The following BEAN1 variants were observed in gnomAD, a reference collection of about 807,000 sequenced individuals.
BEAN1 encodes brain expressed associated with NEDD4 1, also known as protein BEAN1.
In BEAN1, 17 loss-of-function variants were observed where a neutral mutation model predicts 17.7. That is an observed-to-expected ratio of 0.96 (90% confidence interval 0.66 to 1.44). The LOEUF is 1.44. Ranked by LOEUF, BEAN1 falls within the 40% of genes most tolerant of loss-of-function variation. The pLI, the probability that BEAN1 is intolerant of heterozygous loss-of-function variation, is 0.00. For missense variants in BEAN1, 359 were observed against 374.1 expected, an observed-to-expected ratio of 0.96 and a Z score of 0.33; for synonymous variants, 142 against 151.8, an observed-to-expected ratio of 0.94 and a Z score of 0.47.
intron 2 of BEAN1, among the ~76,000 whole-genome samples, chr16:66,468,257 A>C (rs76068243): frequency 0.029 from 4,403 of 152,318 alleles, 221 homozygotes; most frequent in African/African-American, 0.098. Flanking sequence ...CCCATTGTTG[A>C]GTTTGAGGAC....
intron 2 of BEAN1, among the ~76,000 whole-genome samples, chr16:66,458,753 G>A (rs60557819): frequency 0.15 from 22,261 of 152,178 alleles, 2,022 homozygotes; most frequent in South Asian, 0.24. Context: ...GAGAGTGACA[G>A]TGGTATCCAC....
At chr16:66,489,887 G>A (rs960603208) in intron 4 of BEAN1, among the ~76,000 whole-genome samples, 5 of 152,008 alleles carry the variant, frequency 3.3e-5, no homozygotes, top group Non-Finnish European at 7.4e-5. Context: ...CTCAATCAAA[G>A]GGATATGAAC....
intron 3 of BEAN1, among the ~76,000 whole-genome samples, chr16:66,475,112 G>A (rs1477552298): frequency 2.6e-5 from 4 of 152,180 alleles, no homozygotes; most frequent in Non-Finnish European, 1.5e-5. Context: ...TATGTGAAGT[G>A]GGAAGCAGGG....
At chr16:66,479,194 T>A (rs936007591) in intron 4 of BEAN1, 2 of 152,200 alleles carry the variant, frequency 1.3e-5, no homozygotes, top group African/African-American at 2.4e-5. Flanking sequence ...GAGCCCTTGG[T>A]TCCTGAGGCC....
At chr16:66,445,184 C>T (rs1962397235) in intron 2 of BEAN1, among the ~76,000 whole-genome samples, 1 of 151,904 alleles carries the variant, frequency 6.6e-6, no homozygotes, top group Admixed American at 6.6e-5. Context: ...ACAAAAAAAG[C>T]ACAGTGAGGT....
intron 2 of BEAN1, among the ~76,000 whole-genome samples, chr16:66,455,398 C>T (rs796587437): frequency 3.3e-5 from 5 of 152,306 alleles, no homozygotes; most frequent in African/African-American, 1.2e-4. Context: ...TGTAAATTGG[C>T]TGTGTTGAAT....
intron 1 of BEAN1, among the ~76,000 whole-genome samples, chr16:66,435,012 G>A (rs1961959351): frequency 6.6e-6 from 1 of 152,140 alleles, no homozygotes; most frequent in Non-Finnish European, 1.5e-5. Flanking sequence ...CAGCCAGAGT[G>A]ATCATTCTGT....
At chr16:66,429,707 C>G (rs1185530901) in intron 1 of BEAN1, among the ~76,000 whole-genome samples, 1 of 152,144 alleles carries the variant, frequency 6.6e-6, no homozygotes, top group Non-Finnish European at 1.5e-5. Flanking sequence ...CTGTAGCTTC[C>G]CCCTCCCCTT....
intron 3 of BEAN1, among the ~76,000 whole-genome samples, chr16:66,476,831 T>G (rs1597043024): frequency 1.3e-5 from 2 of 152,148 alleles, no homozygotes; most frequent in African/African-American, 4.8e-5. Context: ...TTAAATGTGT[T>G]TTTTAGCTGC....
rs1184682337 is a variant in BEAN1, at chr16:66,469,729, C to A, written c.153C>A (p.Cys51Ter). Residue 51 changes from cysteine (C) to a stop codon, truncating the protein, a stop_gained, in exon 3 of 5, where the codon TGC becomes TGA. Coordinates refer to ENST00000536005, the MANE Select transcript of BEAN1 (RefSeq NM_001178020.3). LOFTEE classifies it high-confidence loss of function. Reference sequence around the variant, plus strand: ...TAGGTGTGGTCATCATCCTCTCCTGCATCACCATCATTGTGGGCAGCATCC... The same window carrying A: ...TAGGTGTGGTCATCATCCTCTCCTGAATCACCATCATTGTGGGCAGCATCC... Reference protein sequence around the residue: ...AVIGVVIILSCITIIVGSIRR... With the variant: ...AVIGVVIILS The A allele has an allele frequency of 6.5e-7, 1 of 1,536,216 alleles. No individual in the cohort carries two copies. Among genetic ancestry groups the A allele is most frequent in the East Asian group, 2.4e-5 (1 of 40,910 alleles).
chr16:66,493,428 C>G (rs1051956841), exon 5 of BEAN1: 1 of 615,436 alleles, frequency 1.6e-6, no homozygotes, highest in Admixed American at 2.8e-5. Context: ...CCCAGTGGCT[C>G]TCCAGTCCTC....
rs745370286 is a variant in BEAN1 at position 66,469,783 on chromosome 16, GCACCGCCACCGCCAC to G, written c.218_232del (p.Arg73_His77del). On this transcript the variant is annotated inframe_deletion, in exon 3 of 5. Coordinates refer to ENST00000536005, the MANE Select transcript of BEAN1 (RefSeq NM_001178020.3). ...GGGACAGGCAGGCCCGGCTTCAGCG[GCACCGCCACCGCCAC>G]CACCGCCACCACCACCACCATCATC... The G allele has an allele frequency of 3.0e-5, 46 of 1,535,894 alleles. No individual in the cohort carries two copies. Among genetic ancestry groups the G allele is most frequent in the South Asian group, 7.1e-5 (6 of 84,036 alleles).
At chr16:66,486,965 C>T (rs1450500620), downstream of BEAN1, among the ~76,000 whole-genome samples, 1 of 152,228 alleles carries the variant, frequency 6.6e-6, no homozygotes, top group Non-Finnish European at 1.5e-5. Context: ...GCTCCAGGCT[C>T]ACTGGACACC....
In BEAN1 at chr16:66,477,679, C is replaced by T. The variant is rs764388020; in HGVS notation, c.409C>T (p.Leu137Phe). ...TGACGGGGACGTGGATGCCACGGTGCTCAGGGAGCTGTACCCAGATTCTCC... is the reference window on the plus strand; with the variant it reads ...TGACGGGGACGTGGATGCCACGGTGTTCAGGGAGCTGTACCCAGATTCTCC... ...SSDGDVDATV[L>F]RELYPDSPPG... Residue 137 changes from leucine (L) to phenylalanine (F), a missense_variant, in exon 4 of 5, where the codon CTC (leucine) becomes TTC (phenylalanine). Leu to Phe is a conservative substitution (Grantham distance 22, BLOSUM62 0). Coordinates refer to ENST00000536005, the MANE Select transcript of BEAN1 (RefSeq NM_001178020.3). The T allele has an allele frequency of 1.8e-5, 28 of 1,550,050 alleles. No individual in the cohort carries two copies. Among genetic ancestry groups the T allele is most frequent in the African/African-American group, 2.7e-5 (2 of 72,984 alleles).
intron 1 of BEAN1, among the ~76,000 whole-genome samples, chr16:66,435,710 A>G (rs1274116143): frequency 1.3e-5 from 2 of 151,968 alleles, no homozygotes; most frequent in African/African-American, 4.8e-5. Flanking sequence ...GATGGTCTCG[A>G]TCTCCTGACC....
At chr16:66,431,123 T>C (rs1248296630) in intron 1 of BEAN1, among the ~76,000 whole-genome samples, 1 of 152,180 alleles carries the variant, frequency 6.6e-6, no homozygotes, top group Admixed American at 6.5e-5. Context: ...AAAATTTTTT[T>C]CAATAACAAA....
At chr16:66,489,299 C>G (rs1964132790) in intron 4 of BEAN1, among the ~76,000 whole-genome samples, 1 of 152,242 alleles carries the variant, frequency 6.6e-6, no homozygotes, top group Non-Finnish European at 1.5e-5. Flanking sequence ...AGCTCTTGCT[C>G]TCCCTGCCTC....
intron 1 of BEAN1, among the ~76,000 whole-genome samples, chr16:66,436,971 C>A (rs1469358587): frequency 6.6e-6 from 1 of 152,142 alleles, no homozygotes; most frequent in African/African-American, 2.4e-5. Flanking sequence ...TGGAGTCAAA[C>A]TGATCTGGAC....
chr16:66,457,397 T>C (rs1481636117), intron 2 of BEAN1, among the ~76,000 whole-genome samples: 1 of 152,194 alleles, frequency 6.6e-6, no homozygotes, highest in Non-Finnish European at 1.5e-5. Flanking sequence ...TCACCTTCCA[T>C]GTCTCCTGTC....
Sources: gnomAD v4.1 joint callset for allele counts (sites outside exome capture counted in the v4.1 genomes callset) on GRCh38, gnomAD v4.1.1 for gene constraint, MANE v1.5 for transcripts, NCBI Gene and HGNC (gene_info 2026-07-23, HGNC 2026-07-21) for gene names.